Variants in CACNA1B observed in about 807,000 individuals in gnomAD.
CACNA1B encodes the protein voltage-dependent N-type calcium channel subunit alpha-1B.
A neutral mutation model predicts 247.2 loss-of-function variants in CACNA1B; 70 were observed. The observed-to-expected ratio is 0.28, with a 90% CI of 0.23 to 0.35. The LOEUF (loss-of-function observed/expected upper bound fraction) is 0.35. Ranked by LOEUF, CACNA1B falls within the 10% of genes least tolerant of loss-of-function variation. The probability of loss-of-function intolerance (pLI) is 1.00; values close to 1 mark genes in which losing one functional copy is unlikely to be tolerated. For synonymous variants in CACNA1B, 1,231 were observed against 1,294.4 expected (o/e 0.95, Z 1.05); for missense variants, 2,367 against 3,197.4 (o/e 0.74, Z 6.26).
At chr9:138,090,480 G>A (rs1960838824) in intron 36 of CACNA1B, among the ~76,000 whole-genome samples, 1 of 151,892 alleles carries the variant, frequency 6.6e-6, no homozygotes, top group Non-Finnish European at 1.5e-5. Flanking sequence ...AAACACTTCA[G>A]GATATTGGTC....
chr9:137,892,431 G>C (rs141081124), intron 3 of CACNA1B: 45 of 445,876 alleles, frequency 1.0e-4, no homozygotes, highest in African/African-American at 8.8e-4. Context: ...GGCTGTTGCT[G>C]GTGCATCATT....
At chr9:138,063,959 C>T (rs1431525628) in intron 31 of CACNA1B, among the ~76,000 whole-genome samples, 2 of 152,136 alleles carry the variant, frequency 1.3e-5, no homozygotes, top group Admixed American at 6.5e-5. Context: ...CTTCACATGT[C>T]GAGGAGCCAG....
In CACNA1B at chr9:137,889,210, G is replaced by A. The variant is rs6559251; in HGVS notation, c.530+6327G>A. Among the ~76,000 whole-genome samples, 7 of 150,126 alleles carry A rather than the reference G, an allele frequency of 4.7e-5. 2 individuals are homozygous for A. The highest frequency in any genetic ancestry group is 9.0e-5 in the Non-Finnish European group (6 of 66,768). The stretch of plus-strand genomic sequence containing the variant: ...AGCATGGACCGAGCTGGGTGTGTCC[G>A]TGCTGTGACGGAACTCTTCTGCCAC... On this transcript the variant is annotated intron_variant, in intron 3 of 46. Transcript: ENST00000371372.
At chr9:137,953,296 G>A (rs1957900417) in intron 7 of CACNA1B, among the ~76,000 whole-genome samples, 1 of 152,228 alleles carries the variant, frequency 6.6e-6, no homozygotes, top group Admixed American at 6.5e-5. Flanking sequence ...GCTCCCCAGT[G>A]AGGCTGGAGG....
rs539014063 is a variant in CACNA1B at position 138,121,122 on chromosome 9, C to T, written c.6489+241C>T. 6.6e-6 allele frequency among the ~76,000 whole-genome samples: 1 copy of T among 152,306 alleles called. No individual in the cohort carries two copies. The highest frequency in any genetic ancestry group is 1.9e-4 in the East Asian group (1 of 5,180). On this transcript the variant is annotated intron_variant, in intron 46 of 46. Coordinates refer to ENST00000371372, the MANE Select transcript of CACNA1B (RefSeq NM_000718.4). This position sits in a 1 kb window ranked among gnomAD's most constrained non-coding sequence, Gnocchi z 6.8. The stretch of plus-strand genomic sequence containing the variant: ...CTGGGACAGTGGTTCTGCGTCCTAT[C>T]CACTTTCGGACCTGGGCCCCCAAAT...
intron 18 of CACNA1B, among the ~76,000 whole-genome samples, chr9:138,017,727 C>CCAGG (rs1564240629): frequency 6.6e-6 from 1 of 152,214 alleles, no homozygotes; most frequent in African/African-American, 2.4e-5. Flanking sequence ...AGTAGACCAC[C>CCAGG]CAGGGCCCAA....
chr9:137,892,208 A>G (rs1160264042), intron 3 of CACNA1B: 1 of 456,664 alleles, frequency 2.2e-6, no homozygotes, highest in Non-Finnish European at 4.4e-6. Context: ...AAAGCAGCAC[A>G]GCCGGGCGCT....
In CACNA1B at chr9:137,914,202, C is replaced by T. The variant is rs1025112560; in HGVS notation, c.623-452C>T. 6.6e-6 allele frequency among the ~76,000 whole-genome samples: 1 copy of T among 152,094 alleles called. No homozygotes were observed. The highest frequency in any genetic ancestry group is 2.4e-5 in the African/African-American group (1 of 41,412). On this transcript the variant is annotated intron_variant, in intron 4 of 46. Transcript: ENST00000371372. This position sits in a 1 kb window ranked among gnomAD's most constrained non-coding sequence, Gnocchi z 4.3. ...CTCCTTCCTCCCAGGATCCCCTGCCCTTAGCTCCCAGCATTCTCTGCTCTT... is the reference window on the plus strand; with the variant it reads ...CTCCTTCCTCCCAGGATCCCCTGCCTTTAGCTCCCAGCATTCTCTGCTCTT...
chr9:137,878,833 G>A (rs1294408929), intron 1 of CACNA1B, among the ~76,000 whole-genome samples: 1 of 152,170 alleles, frequency 6.6e-6, no homozygotes, highest in Non-Finnish European at 1.5e-5. Flanking sequence ...CCGAGGGGCT[G>A]GCGGCCCAGA....
chr9:137,963,400 T>G (rs1346845014), intron 10 of CACNA1B, among the ~76,000 whole-genome samples: 1 of 152,142 alleles, frequency 6.6e-6, no homozygotes, highest in Non-Finnish European at 1.5e-5. Context: ...AGTATTGTTA[T>G]TATTATTATT....
chr9:138,068,477 C>G (rs1437885809), intron 31 of CACNA1B: 1 of 434,222 alleles, frequency 2.3e-6, no homozygotes, highest in Non-Finnish European at 4.6e-6. Flanking sequence ...TTGAGTCCCC[C>G]TAGCACTGGT....
chr9:137,903,236 A>G (rs958830484), intron 3 of CACNA1B, among the ~76,000 whole-genome samples: 3 of 152,118 alleles, frequency 2.0e-5, no homozygotes, highest in African/African-American at 7.2e-5. Context: ...ACAAAAAAAA[A>G]TTAGCCAGGC....
intron 23 of CACNA1B, 108 bp from the exon 24 acceptor site, chr9:138,049,101 T>C (rs1236521868): frequency 1.3e-6 from 1 of 765,694 alleles, no homozygotes; most frequent in Non-Finnish European, 2.4e-6. Flanking sequence ...GCAGTCTGCC[T>C]GCCTCAGCCT....
rs72770908 is a variant in CACNA1B, at chr9:138,112,204, G to A, written c.5429-194G>A. ...CCTGCCTCCTCCTCTGGGCAGACTCGCAGCAGGGAGGGCTGTGAGCAGCTT... is the reference window on the plus strand; with the variant it reads ...CCTGCCTCCTCCTCTGGGCAGACTCACAGCAGGGAGGGCTGTGAGCAGCTT... On this transcript the variant is annotated intron_variant, in intron 39 of 46. Transcript: ENST00000371372. Among the ~76,000 whole-genome samples, 21,400 of 152,094 alleles carry A rather than the reference G, an allele frequency of 0.14. 1,683 individuals carry two copies. The highest frequency in any genetic ancestry group is 0.31 in the East Asian group (1,616 of 5,148).
rs1463552303 is a variant in CACNA1B at position 138,123,177 on chromosome 9, T to G, written c.*1178T>G. ...AAGGCTGGTAGGAAGGAGGAAGACA[T>G]TGGCTGGGGGCTTGGATGTGGGGCC... is the stretch of plus-strand genomic sequence containing the variant. On this transcript the variant is annotated 3_prime_UTR_variant, in exon 47 of 47. Coordinates refer to ENST00000371372, the MANE Select transcript of CACNA1B (RefSeq NM_000718.4). 1 of 152,334 alleles carries G rather than the reference T, an allele frequency of 6.6e-6. No individual in the cohort carries two copies. The highest frequency in any genetic ancestry group is 1.9e-4 in the East Asian group (1 of 5,198). 9.4% of individuals were successfully genotyped at this position (152,334 alleles called of 1,614,324 possible).
rs1957963531 is a variant in CACNA1B, at chr9:137,957,559, G to A, written c.1244-39G>A. ...CGCTGAGGCAGGTGGCCTGAGGGCT[G>A]CAGCTCAGGCAGTCTCTCCCATCCT... On this transcript the variant is annotated intron_variant, in intron 9 of 46. Transcript: ENST00000371372. This position sits in a 1 kb window ranked among gnomAD's most constrained non-coding sequence, Gnocchi z 4.7. 1.4e-6 allele frequency: 2 copies of A among 1,479,280 alleles called. No individual in the cohort carries two copies. Among genetic ancestry groups the A allele is most frequent in the East Asian group, 2.5e-5 (1 of 40,222 alleles). 91.6% of individuals were successfully genotyped at this position (1,479,280 alleles called of 1,614,324 possible). A position where few individuals can be genotyped will look rare whatever the true frequency, so the allele number is the denominator to read the frequency against.
chr9:138,082,524 A>G (rs932813309), intron 36 of CACNA1B, among the ~76,000 whole-genome samples: 4 of 151,376 alleles, frequency 2.6e-5, no homozygotes, highest in African/African-American at 4.9e-5. Flanking sequence ...TTGATTGGCC[A>G]AAACTTGATG....
At position 138,021,949 on chromosome 9, in the gene CACNA1B, G is replaced by A. The variant is rs572514490; in HGVS notation, c.2268-1062G>A. 1.6e-3 allele frequency among the ~76,000 whole-genome samples: 247 copies of A among 152,338 alleles called. 1 individual carries two copies. The highest frequency in any genetic ancestry group is 4.9e-3 in the African/African-American group (204 of 41,570). ...GCCTCAGATGAGGTTTCTCCCTGGC[G>A]ATGGTGGGGCTTAGTTTTGGGATAA... On this transcript the variant is annotated intron_variant, in intron 18 of 46. Coordinates refer to ENST00000371372, the MANE Select transcript of CACNA1B (RefSeq NM_000718.4).
intron 20 of CACNA1B, 121 bp downstream of exon 20, chr9:138,025,293 G>A (rs1958908187): frequency 4.5e-6 from 3 of 664,528 alleles, no homozygotes; most frequent in Non-Finnish European, 8.0e-6. Flanking sequence ...TTGTTCTCCT[G>A]GCTGGAGAGA....
Sources: allele counts gnomAD v4.1 joint callset (sites outside exome capture counted in the v4.1 genomes callset), GRCh38; gene constraint gnomAD v4.1.1; non-coding constraint Gnocchi (gnomAD v3.1); transcripts MANE v1.5; gene names NCBI Gene and HGNC (gene_info 2026-07-23, HGNC 2026-07-21).